LINGO2: variants seen among roughly 807,000 people sequenced by gnomAD.
LINGO2 encodes leucine rich repeat and Ig domain containing 2.
A neutral mutation model predicts 30.6 loss-of-function variants in LINGO2; 14 were observed. The observed-to-expected ratio is 0.46, with a 90% CI of 0.30 to 0.72. The LOEUF (loss-of-function observed/expected upper bound fraction) is 0.72. Among genes scored for constraint, LINGO2 ranks in the 30% least tolerant of loss-of-function variants. The pLI is 0.07. For synonymous variants in LINGO2, 317 were observed against 288.5 expected, an observed-to-expected ratio of 1.10 and a Z score of -1.00; for missense variants, 729 against 751.7, an observed-to-expected ratio of 0.97 and a Z score of 0.35.
chr9:28,330,983 T>C (rs1283016487), intron 3 of LINGO2, among the ~76,000 whole-genome samples: 2 of 152,204 alleles, frequency 1.3e-5, no homozygotes, highest in Admixed American at 6.5e-5. Context: ...TTAATGGTTA[T>C]AAACTTAAAT....
chr9:28,767,634 A>C, the LINGO2 span, among the ~76,000 whole-genome samples: 1 of 151,850 alleles, frequency 6.6e-6, no homozygotes, highest in East Asian at 1.9e-4. Context: ...AAATACAAAA[A>C]AATTAGCCGG....
chr9:29,149,614 G>A, the LINGO2 span, among the ~76,000 whole-genome samples: 2 of 151,928 alleles, frequency 1.3e-5, no homozygotes, highest in Admixed American at 6.6e-5. Context: ...AGAGGTGAGT[G>A]AAGGGATAGC....
At chr9:28,977,507 G>C in the LINGO2 span, among the ~76,000 whole-genome samples, 2 of 151,926 alleles carry the variant, frequency 1.3e-5, no homozygotes, top group Non-Finnish European at 2.9e-5. Flanking sequence ...TATAATAATA[G>C]CGACCTGCAT....
the LINGO2 span, among the ~76,000 whole-genome samples, chr9:29,102,347 C>T: frequency 6.6e-6 from 1 of 152,282 alleles, no homozygotes. Flanking sequence ...TCCCAAAGAG[C>T]TGGGATTACA....
intron 4 of LINGO2, among the ~76,000 whole-genome samples, chr9:28,095,116 T>G (rs549843806): frequency 2.0e-5 from 3 of 152,246 alleles, no homozygotes; most frequent in African/African-American, 7.2e-5. Flanking sequence ...ATTACATATT[T>G]TATTTCCCTT....
At chr9:28,193,442 T>C (rs940009664) in intron 4 of LINGO2, among the ~76,000 whole-genome samples, 8 of 152,118 alleles carry the variant, frequency 5.3e-5, no homozygotes, top group Non-Finnish European at 8.8e-5. Flanking sequence ...GCACTAAGTA[T>C]AAATATATCA....
chr9:28,880,910 T>A, the LINGO2 span, among the ~76,000 whole-genome samples: 1 of 152,298 alleles, frequency 6.6e-6, no homozygotes, highest in South Asian at 2.1e-4. Flanking sequence ...CATCCAGCCA[T>A]AGTACCTTCC....
downstream of LINGO2, chr9:27,943,857 T>A (rs1823264529): frequency 2.0e-5 from 3 of 152,114 alleles, no homozygotes; most frequent in Admixed American, 2.0e-4. Flanking sequence ...GGGACTTTAG[T>A]TCCTGCTCTT....
At chr9:28,385,270 T>C (rs763473780) in intron 2 of LINGO2, among the ~76,000 whole-genome samples, 5 of 152,170 alleles carry the variant, frequency 3.3e-5, no homozygotes, top group African/African-American at 1.2e-4. Context: ...AGTTGCTACT[T>C]CCAGCTCTGC....
chr9:28,553,733 A>C (rs1822456634), intron 1 of LINGO2, among the ~76,000 whole-genome samples: 1 of 151,898 alleles, frequency 6.6e-6, no homozygotes, highest in South Asian at 2.1e-4. Context: ...AAAAAATGTT[A>C]AGGGCAGCCA....
intron 5 of LINGO2, among the ~76,000 whole-genome samples, chr9:27,974,768 T>C (rs1820516314): frequency 1.3e-5 from 2 of 151,888 alleles, no homozygotes; most frequent in African/African-American, 4.8e-5. Context: ...ATCACTAAGA[T>C]GAGAAAAGAA....
the LINGO2 span, among the ~76,000 whole-genome samples, chr9:29,083,575 TATA>T: frequency 1.3e-5 from 2 of 149,834 alleles, no homozygotes; most frequent in Non-Finnish European, 3.0e-5. Flanking sequence ...AGAACTTAAA[TATA>T]ATAATAATAA....
chr9:28,791,532 T>C, the LINGO2 span, among the ~76,000 whole-genome samples: 4 of 152,106 alleles, frequency 2.6e-5, no homozygotes, highest in Non-Finnish European at 5.9e-5. Context: ...ATACTCACTC[T>C]CTGTCAGATT....
chr9:28,939,417 C>T, the LINGO2 span, among the ~76,000 whole-genome samples: 2 of 152,144 alleles, frequency 1.3e-5, no homozygotes, highest in Non-Finnish European at 2.9e-5. Context: ...CTTTCATACC[C>T]TTCAGCTGCC....
At chr9:28,482,002 T>G (rs954232892) in intron 1 of LINGO2, among the ~76,000 whole-genome samples, 1 of 152,198 alleles carries the variant, frequency 6.6e-6, no homozygotes, top group Non-Finnish European at 1.5e-5. Context: ...ATGTGTCACA[T>G]TTTCTTAATC....
intron 2 of LINGO2, among the ~76,000 whole-genome samples, chr9:28,448,974 A>G (rs975315010): frequency 1.5e-4 from 22 of 151,520 alleles, no homozygotes; most frequent in African/African-American, 5.3e-4. Flanking sequence ...TATCACATCA[A>G]GGAGCTAGGC....
the LINGO2 span, among the ~76,000 whole-genome samples, chr9:28,805,616 C>T: frequency 6.6e-6 from 1 of 152,118 alleles, no homozygotes; most frequent in African/African-American, 2.4e-5. Flanking sequence ...GGTAAAAATA[C>T]TTATTCAGTT....
chr9:28,033,376 G>C (rs1222872892), intron 4 of LINGO2, among the ~76,000 whole-genome samples: 1 of 152,126 alleles, frequency 6.6e-6, no homozygotes, highest in Admixed American at 6.6e-5. Flanking sequence ...GCTAGGGAGG[G>C]GGATCTCTTA....
chr9:28,916,410 A>G, the LINGO2 span, among the ~76,000 whole-genome samples: 1 of 152,134 alleles, frequency 6.6e-6, no homozygotes, highest in Non-Finnish European at 1.5e-5. Flanking sequence ...TTTACAATCT[A>G]TTCTCTCTGA....
Sources: allele counts gnomAD v4.1 joint callset (sites outside exome capture counted in the v4.1 genomes callset), GRCh38; gene constraint gnomAD v4.1.1; transcripts MANE v1.5; gene names NCBI Gene and HGNC (gene_info 2026-07-23, HGNC 2026-07-21).